The following PPM1B variants were observed in gnomAD, a reference collection of about 807,000 sequenced individuals.
PPM1B encodes protein phosphatase 1B.
In PPM1B, 22 loss-of-function variants were observed where a neutral mutation model predicts 43.0. The ratio of observed to expected loss-of-function variants is 0.51; its 90% CI spans 0.37 to 0.73. The LOEUF is 0.73. Among genes scored for constraint, PPM1B ranks in the 30% least tolerant of loss-of-function variants. The pLI is 0.00. For synonymous variants in PPM1B, 217 were observed against 197.9 expected, an observed-to-expected ratio of 1.10 and a Z score of -0.81; for missense variants, 632 against 584.2, an observed-to-expected ratio of 1.08 and a Z score of -0.84.
intron 5 of PPM1B, among the ~76,000 whole-genome samples, chr2:44,227,901 C>CTT (rs1048354758): frequency 7.0e-6 from 1 of 141,948 alleles, no homozygotes; most frequent in Non-Finnish European, 1.5e-5. Context: ...AAAACAAGCA[C>CTT]TTTTTTTTTC....
chr2:44,232,559 C>G, downstream of PPM1B: 2 of 1,397,720 alleles, frequency 1.4e-6, no homozygotes, highest in Non-Finnish European at 1.9e-6. Flanking sequence ...GTATTTTTTG[C>G]CAACCTCAGG....
downstream of PPM1B, chr2:44,234,559 G>T (rs1328338596): frequency 2.0e-6 from 2 of 985,484 alleles, no homozygotes; most frequent in Non-Finnish European, 2.4e-6. Flanking sequence ...TCCGGCAGGG[G>T]GCAGGGTGGG....
At chr2:44,244,562 C>A (rs775719688), downstream of PPM1B, among the ~76,000 whole-genome samples, 20 of 151,908 alleles carry the variant, frequency 1.3e-4, no homozygotes, top group Non-Finnish European at 2.6e-4. Context: ...AGGCTTTAAT[C>A]TGGCGTTGTT....
At position 44,190,667 on chromosome 2, in the gene PPM1B, C is replaced by G. The variant is rs140778597; in HGVS notation, c.-14-10519C>G. ...TGATCTTTTATTTGTAAGCGTTAGA[C>G]CAGGCGTCTGTTAAAACAGAAGTGA... On this transcript the variant is annotated intron_variant, in intron 1 of 5. Coordinates refer to ENST00000282412, the MANE Select transcript of PPM1B (RefSeq NM_002706.6). 6.2e-3 allele frequency among the ~76,000 whole-genome samples: 941 copies of G among 152,190 alleles called. 4 individuals carry two copies. Among genetic ancestry groups the G allele is most frequent in the South Asian group, 0.02 (97 of 4,822 alleles).
intron 1 of PPM1B, among the ~76,000 whole-genome samples, chr2:44,189,338 A>G (rs548879277): frequency 1.3e-5 from 2 of 152,258 alleles, no homozygotes; most frequent in South Asian, 4.1e-4. Context: ...ACTTAGTTTC[A>G]CCCTCATTCT....
intron 1 of PPM1B, among the ~76,000 whole-genome samples, chr2:44,195,125 T>G (rs1668599287): frequency 6.6e-6 from 1 of 151,938 alleles, no homozygotes; most frequent in South Asian, 2.1e-4. Flanking sequence ...ACTCCTGACC[T>G]CAGGTGATCT....
chr2:44,240,125 G>A lies in PPM1B; in HGVS notation n.1547-4103G>A, dbSNP rs1245132823. 2.1e-5 allele frequency among the ~76,000 whole-genome samples: 3 copies of A among 145,068 alleles called. 1 individual carries two copies. The highest frequency in any genetic ancestry group is 4.6e-5 in the Non-Finnish European group (3 of 65,056). On this transcript the variant is annotated intron_variant and non_coding_transcript_variant, in intron 5 of 5. Coordinates refer to the PPM1B transcript ENST00000378540. ...TGTCCTCAAGCAATCCTCCTGCCTC[G>A]GCCTCCCAAAGTACTGGGAGTACAG...
intron 1 of PPM1B, among the ~76,000 whole-genome samples, chr2:44,200,507 G>T (rs1324704788): frequency 6.6e-6 from 1 of 152,110 alleles, no homozygotes; most frequent in Non-Finnish European, 1.5e-5. Context: ...CCATTTTTTA[G>T]CACCATGTTA....
chr2:44,219,222 T>G (rs899650852), intron 5 of PPM1B: 8 of 151,918 alleles, frequency 5.3e-5, no homozygotes, highest in Non-Finnish European at 1.0e-4. Flanking sequence ...AAATCCAAGT[T>G]AGTTCAAATA....
intron 5 of PPM1B, among the ~76,000 whole-genome samples, chr2:44,220,220 G>A (rs1246003019): frequency 6.6e-6 from 1 of 150,974 alleles, no homozygotes; most frequent in African/African-American, 2.4e-5. Context: ...CATTTCCTCA[G>A]GTGTTTCAAA....
At chr2:44,175,505 C>G (rs141743284) in intron 1 of PPM1B, among the ~76,000 whole-genome samples, 313 of 152,294 alleles carry the variant, frequency 2.1e-3, no homozygotes, top group African/African-American at 7.3e-3. Context: ...CTGAACAAAA[C>G]AGACAAAATC....
downstream of PPM1B, chr2:44,233,225 G>A (rs972803013): frequency 5.5e-6 from 5 of 908,598 alleles, no homozygotes; most frequent in Non-Finnish European, 6.6e-6. Flanking sequence ...AATCATTTAT[G>A]TTATTTTAAA....
chr2:44,185,391 T>C (rs1392590781), intron 1 of PPM1B, among the ~76,000 whole-genome samples: 5 of 152,226 alleles, frequency 3.3e-5, no homozygotes. Flanking sequence ...GCATGTAGTT[T>C]GGTTTTTAGA....
At chr2:44,192,190 GGTATT>G (rs147906873) in intron 1 of PPM1B, among the ~76,000 whole-genome samples, 18,618 of 143,516 alleles carry the variant, frequency 0.13, 1,327 homozygotes, top group Middle Eastern at 0.17. Context: ...GTTATGTTAT[GGTATT>G]GTATTGTATT....
intron 1 of PPM1B, among the ~76,000 whole-genome samples, chr2:44,198,637 C>T (rs1572710976): frequency 6.6e-6 from 1 of 152,174 alleles, no homozygotes; most frequent in African/African-American, 2.4e-5. Context: ...AAGATAAAAG[C>T]GTAACATAAT....
chr2:44,236,677 G>C (rs1670633022), downstream of PPM1B, among the ~76,000 whole-genome samples: 1 of 152,092 alleles, frequency 6.6e-6, no homozygotes, highest in Non-Finnish European at 1.5e-5. Flanking sequence ...GGAATATATG[G>C]TGCCCAAGTC....
intron 1 of PPM1B, among the ~76,000 whole-genome samples, chr2:44,173,592 A>G (rs899586770): frequency 6.6e-6 from 1 of 152,168 alleles, no homozygotes; most frequent in Non-Finnish European, 1.5e-5. Flanking sequence ...TTTTACTATA[A>G]CTAATCACAT....
intron 1 of PPM1B, among the ~76,000 whole-genome samples, chr2:44,200,300 A>G (rs773612348): frequency 1.3e-5 from 2 of 152,174 alleles, no homozygotes; most frequent in Non-Finnish European, 2.9e-5. Flanking sequence ...ATTCTTTTGC[A>G]TACTTTTGGG....
rs145277342 is a variant in PPM1B, at chr2:44,177,075, C to T, written c.-15+7801C>T. On this transcript the variant is annotated intron_variant, in intron 1 of 5. Transcript: ENST00000282412. ...GATTACAGGCATGAGCCACCGTGCC[C>T]GGCCTAGTTTCATTTTTAATGTATT... Among the ~76,000 whole-genome samples the T allele has an allele frequency of 3.7e-3, 561 of 152,268 alleles. 2 individuals carry two copies. The highest frequency in any genetic ancestry group is 0.013 in the African/African-American group (534 of 41,532).
Sources: gnomAD v4.1 joint callset for allele counts (sites outside exome capture counted in the v4.1 genomes callset) on GRCh38, gnomAD v4.1.1 for gene constraint, MANE v1.5 for transcripts, NCBI Gene and HGNC (gene_info 2026-07-23, HGNC 2026-07-21) for gene names.